Variants in HOXC5 observed in about 807,000 individuals in gnomAD.
HOXC5 encodes homeobox protein Hox-C5.
A neutral mutation model predicts 20.1 loss-of-function variants in HOXC5; 19 were observed. The ratio of observed to expected loss-of-function variants is 0.94; its 90% CI spans 0.66 to 1.38. The LOEUF (loss-of-function observed/expected upper bound fraction) is 1.38. HOXC5 is among the 40% of genes most tolerant of loss of function. The pLI, the probability that HOXC5 is intolerant of heterozygous loss-of-function variation, is 0.00. For missense variants in HOXC5, 330 were observed against 300.1 expected (o/e 1.10, Z -0.74); for synonymous variants, 124 against 117.0 (o/e 1.06, Z -0.39).
chr12:54,032,156 C>CCA (rs905533367), upstream of HOXC5, among the ~76,000 whole-genome samples: 10 of 152,300 alleles, frequency 6.6e-5, no homozygotes, highest in Non-Finnish European at 1.5e-4. Context: ...CTGTCCGTGT[C>CCA]CACACACACA....
At position 54,033,265 on chromosome 12, in the gene HOXC5, C is replaced by T; in HGVS notation, c.143C>T (p.Thr48Ile). The change falls in exon 1 of 2, where the codon ACT (threonine) becomes ATT (isoleucine). Residue 48 changes from threonine (T) to isoleucine (I), a missense_variant. Transcript: ENST00000312492. Reference sequence around the variant, plus strand: ...TACGGCGGATTGGACTTAAGCATCACTTTCCCACCGCCTGCGCCTTCCAAC... The same window carrying T: ...TACGGCGGATTGGACTTAAGCATCATTTTCCCACCGCCTGCGCCTTCCAAC... ...YCYGGLDLSI[T>I]FPPPAPSNSL... The T allele has an allele frequency of 6.2e-7, 1 of 1,614,210 alleles. No homozygotes were observed. The highest frequency in any genetic ancestry group is 8.5e-7 in the Non-Finnish European group (1 of 1,180,048).
At chr12:54,033,913 C>T (rs1474410385) in intron 1 of HOXC5, 1 of 434,750 alleles carries the variant, frequency 2.3e-6, no homozygotes, top group Non-Finnish European at 4.4e-6. Context: ...GCGGAGCCGG[C>T]TCCGCCGGCG....
the HOXC5 span, among the ~76,000 whole-genome samples, chr12:54,023,333 A>G: frequency 2.6e-5 from 4 of 152,224 alleles, no homozygotes; most frequent in Non-Finnish European, 4.4e-5. Flanking sequence ...ACAAATGCCA[A>G]TGTGAGAGTT....
At chr12:54,017,927 G>T in the HOXC5 span, among the ~76,000 whole-genome samples, 1 of 152,056 alleles carries the variant, frequency 6.6e-6, no homozygotes, top group Non-Finnish European at 1.5e-5. Context: ...CCCAGAGAGC[G>T]CGACTGCTAG....
chr12:54,028,851 G>A, upstream of HOXC5: 2 of 1,614,112 alleles, frequency 1.2e-6, no homozygotes, highest in Non-Finnish European at 1.7e-6. Context: ...AGCAGGGCAG[G>A]ACTGCGCCCC....
At chr12:54,019,562 G>T in the HOXC5 span, among the ~76,000 whole-genome samples, 1 of 152,282 alleles carries the variant, frequency 6.6e-6, no homozygotes, top group Non-Finnish European at 1.5e-5. Flanking sequence ...GTGGATGGCC[G>T]CTGATGGGGG....
At chr12:54,029,660 G>C, upstream of HOXC5, 1 of 1,611,188 alleles carries the variant, frequency 6.2e-7, no homozygotes, top group Non-Finnish European at 8.5e-7. Flanking sequence ...TTTAGGGGTC[G>C]GCTACGGAGC....
the HOXC5 span, among the ~76,000 whole-genome samples, chr12:54,025,674 G>T: frequency 6.6e-6 from 1 of 151,830 alleles, no homozygotes; most frequent in Non-Finnish European, 1.5e-5. Context: ...ATTATAAATC[G>T]GCGAGACCTT....
upstream of HOXC5, chr12:54,028,361 C>T: frequency 1.4e-6 from 1 of 693,430 alleles, no homozygotes; most frequent in Non-Finnish European, 2.4e-6. Flanking sequence ...TTCCCCCTTC[C>T]TGACATCTGG....
upstream of HOXC5, chr12:54,030,778 C>G (rs1461490047): frequency 6.6e-6 from 1 of 152,494 alleles, no homozygotes; most frequent in Non-Finnish European, 1.5e-5. Context: ...ACCTCTGGGT[C>G]CGTTCTCGAA....
At chr12:54,034,256 T>G in intron 1 of HOXC5, 22 bp from the exon 2 acceptor site, 1 of 1,596,578 alleles carries the variant, frequency 6.3e-7, no homozygotes, top group Non-Finnish European at 8.6e-7. Context: ...CTTCCTGGCT[T>G]GGGGTGGGGT....
the HOXC5 span, among the ~76,000 whole-genome samples, chr12:54,023,138 C>T: frequency 6.6e-6 from 1 of 152,350 alleles, no homozygotes; most frequent in African/African-American, 2.4e-5. Context: ...AAGCCCCCTC[C>T]TCAGCTAATA....
upstream of HOXC5, chr12:54,028,976 C>A: frequency 2.0e-6 from 3 of 1,511,486 alleles, no homozygotes; most frequent in African/African-American, 1.4e-5. Context: ...GCTTTATGAC[C>A]GGCTTCCCTA....
rs373936762 is a variant in HOXC5 at position 54,034,899 on chromosome 12, G to T, written c.*407G>T. ...GACCCTCGCCGGACCCTCTAACCTC[G>T]CCCTCTCCTTTGTTCCCGGCTGGAC... On this transcript the variant is annotated 3_prime_UTR_variant, in exon 2 of 2. Coordinates refer to ENST00000312492, the MANE Select transcript of HOXC5 (RefSeq NM_018953.4). The T allele has an allele frequency of 1.8e-4, 41 of 233,176 alleles. No homozygotes were observed. Among genetic ancestry groups the T allele is most frequent in the Middle Eastern group, 1.7e-3 (1 of 582 alleles). The allele number at this position is 233,176 out of a possible 1,614,324, so 14.4% of individuals were successfully genotyped here. A position where few individuals can be genotyped will look rare whatever the true frequency, so the allele number is the denominator to read the frequency against.
chr12:54,017,982 A>T, the HOXC5 span, among the ~76,000 whole-genome samples: 10 of 152,184 alleles, frequency 6.6e-5, no homozygotes, highest in Non-Finnish European at 1.2e-4. Flanking sequence ...GCCGCCGAGC[A>T]GGAAGCCGGC....
Sources: gnomAD v4.1 joint callset for allele counts (sites outside exome capture counted in the v4.1 genomes callset) on GRCh38, gnomAD v4.1.1 for gene constraint, MANE v1.5 for transcripts, NCBI Gene and HGNC (gene_info 2026-07-23, HGNC 2026-07-21) for gene names.